Variants in CFL1 observed in about 807,000 individuals in gnomAD.
CFL1 encodes the protein cofilin-1.
In CFL1, 2 loss-of-function variants were observed where a neutral mutation model predicts 16.3. The observed-to-expected ratio is 0.12, with a 90% CI of 0.05 to 0.39. The LOEUF is 0.39. Among genes scored for constraint, CFL1 ranks in the 10% least tolerant of loss-of-function variants. The probability of loss-of-function intolerance (pLI) is 0.99; values close to 1 mark genes in which losing one functional copy is unlikely to be tolerated. For synonymous variants in CFL1, 111 were observed against 84.4 expected (o/e 1.31, Z -1.73); for missense variants, 75 against 212.2 (o/e 0.35, Z 4.02).
intron 1 of CFL1, chr11:65,857,645 G>T (rs965695857): frequency 4.4e-6 from 1 of 224,978 alleles, no homozygotes; most frequent in African/African-American, 2.4e-5. Context: ...GCTGCCGAGG[G>T]AGGGTGACGC....
chr11:65,855,245 C>T lies in CFL1; in HGVS notation c.*91G>A. 1 of 1,059,464 alleles carries T rather than the reference C, an allele frequency of 9.4e-7. No individual in the cohort carries two copies. Among genetic ancestry groups the T allele is most frequent in the Non-Finnish European group, 1.4e-6 (1 of 691,732 alleles). The allele number at this position is 1,059,464 out of a possible 1,614,324, so 65.6% of individuals were successfully genotyped here. A position where few individuals can be genotyped will look rare whatever the true frequency, so the allele number is the denominator to read the frequency against. On this transcript the variant is annotated 3_prime_UTR_variant, in exon 4 of 4. Coordinates refer to ENST00000308162, the MANE Select transcript of CFL1 (RefSeq NM_005507.3). Reference sequence around the variant, plus strand: ...CCTCCCCCTGCTGGGATCCCCCCAGCCCCTCCGGTCTGGCAGGAAGGGGGC... The same window carrying T: ...CCTCCCCCTGCTGGGATCCCCCCAGTCCCTCCGGTCTGGCAGGAAGGGGGC...
chr11:65,857,426 G>A (rs1390208622), intron 1 of CFL1: 3 of 437,800 alleles, frequency 6.9e-6, no homozygotes, highest in Admixed American at 4.8e-5. Flanking sequence ...CTCGCCCGAT[G>A]CACGGGTGAG....
chr11:65,858,002 G>A (rs1266480177), intron 1 of CFL1, 95 bp downstream of exon 1: 3 of 1,340,536 alleles, frequency 2.2e-6, no homozygotes, highest in Non-Finnish European at 2.0e-6. Flanking sequence ...CGGGGCGCTG[G>A]GGGAGGGGGT....
Position 65,855,690 on chromosome 11 carries a change from C to G in CFL1, c.352G>C (p.Ala118Pro). The change falls in exon 3 of 4, where the codon GCC becomes CCC. Residue 118 changes from alanine to proline, a missense_variant. Physicochemically the swap from Ala to Pro is conservative, Grantham distance 27. Coordinates refer to ENST00000308162, the MANE Select transcript of CFL1 (RefSeq NM_005507.3). ...TTCTTGATGGCGTCCTTGGAGCTGG[C>G]ATAAATCATTTTGCTCTTAAGGGGC... ...SAPLKSKMIY[A>P]SSKDAIKKKL... 6.4e-7 allele frequency: 1 copy of G among 1,572,192 alleles called. No homozygotes were observed. The highest frequency in any genetic ancestry group is 8.6e-7 in the Non-Finnish European group (1 of 1,160,440).
chr11:65,856,452 C>T (rs1170247067), intron 1 of CFL1: 1 of 564,924 alleles, frequency 1.8e-6, no homozygotes, highest in Non-Finnish European at 3.2e-6. Flanking sequence ...GTTCAACAAC[C>T]CCTTCCCTCA....
intron 1 of CFL1, chr11:65,857,496 G>T (rs1041087784): frequency 7.9e-6 from 3 of 378,116 alleles, no homozygotes; most frequent in African/African-American, 4.3e-5. Flanking sequence ...CCCCCTCCAA[G>T]CCTTGCGGTG....
chr11:65,858,077 C>T lies in CFL1; in HGVS notation c.3+20G>A. 1.3e-6 allele frequency: 2 copies of T among 1,533,476 alleles called. No individual in the cohort carries two copies. The highest frequency in any genetic ancestry group is 1.4e-5 in the African/African-American group (1 of 70,816). 95.0% of individuals were successfully genotyped at this position (1,533,476 alleles called of 1,614,324 possible). On this transcript the variant is annotated intron_variant, in intron 1 of 3. Coordinates refer to ENST00000308162, the MANE Select transcript of CFL1 (RefSeq NM_005507.3). ...CCGACCCGCAGCCGCCTCCCTCAGG[C>T]GCCGTGGCCTGCCGCTCACCATGTT...
chr11:65,857,848 TGTCCGCGCGGGCGCACCAGCGGGTGG>T, intron 1 of CFL1: 1 of 289,386 alleles, frequency 3.5e-6, no homozygotes, highest in Admixed American at 5.2e-5. Context: ...CCGCGGCCGG[TGTCCGCGCGGGCGCACCAGCGGGTGG>T]GGGAGGGGAG....
rs140831932 is a variant in CFL1, at chr11:65,856,198, G to A, written c.48C>T (p.Asn16=). Residue 16 remains asparagine (N), a synonymous_variant, in exon 2 of 4, where the codon AAC becomes AAT. Transcript: ENST00000308162. ...AVSDGVIKVF[N]DMKVRKSSTP... is the part of the protein sequence containing the mutation. ...TTGAAGACTTACGCACCTTCATGTC[G>A]TTGAACACCTTGATGACACCATCAG... is the stretch of plus-strand genomic sequence containing the variant. 14 of 1,614,134 alleles carry A rather than the reference G, an allele frequency of 8.7e-6. 1 individual carries two copies. The African/African-American group carries it at 1.5e-4, about 17-fold the overall frequency.
intron 1 of CFL1, 46 bp downstream of exon 1, chr11:65,858,051 A>ACCGACCCGCAGCCGC (rs1354621377): frequency 2.0e-6 from 3 of 1,521,020 alleles, no homozygotes; most frequent in Non-Finnish European, 2.6e-6. Context: ...CGCGCAGGCG[A>ACCGACCCGCAGCCGC]CCGACCCGCA....
chr11:65,857,179 C>T (rs1242253311), intron 1 of CFL1: 1 of 211,930 alleles, frequency 4.7e-6, no homozygotes, highest in Non-Finnish European at 1.0e-5. Context: ...GTGTATCAGA[C>T]CCATCTCCTG....
chr11:65,856,377 A>C, intron 1 of CFL1, 135 bp from the exon 2 acceptor site: 1 of 802,458 alleles, frequency 1.2e-6, no homozygotes, highest in South Asian at 1.8e-5. Flanking sequence ...TTCCCACCCA[A>C]GTCACTGTCA....
At position 65,855,182 on chromosome 11, in the gene CFL1, G is replaced by A. The variant is rs923171882; in HGVS notation, c.*154C>T. The A allele has an allele frequency of 1.6e-6, 1 of 618,382 alleles. No homozygotes were observed. The highest frequency in any genetic ancestry group is 2.9e-6 in the Non-Finnish European group (1 of 345,136). 38.3% of individuals were successfully genotyped at this position (618,382 alleles called of 1,614,324 possible). On this transcript the variant is annotated 3_prime_UTR_variant, in exon 4 of 4. Coordinates refer to ENST00000308162, the MANE Select transcript of CFL1 (RefSeq NM_005507.3). ...TGGAGGGAGAAGGAAAATCCAGGGG[G>A]TGGGGGGTCTGTTTGGCAACTGGGG...
In CFL1 at chr11:65,855,556, G is replaced by A. The variant is rs747556593; in HGVS notation, c.388+98C>T. 139 of 1,551,480 alleles carry A rather than the reference G, an allele frequency of 9.0e-5. No homozygotes were observed. In the Middle Eastern group the frequency reaches 1.5e-3, roughly 17 times the overall value. On this transcript the variant is annotated intron_variant, in intron 3 of 3. Transcript: ENST00000308162. ...AGCAGATGGAAGGAACAAGCAGGCA[G>A]CGAAGACAAGGGGGCAGACCCCCTC...
Position 65,855,037 on chromosome 11 carries a change from T to A in CFL1, c.*299A>T, listed in dbSNP as rs1362450813. On this transcript the variant is annotated 3_prime_UTR_variant, in exon 4 of 4. Coordinates refer to ENST00000308162, the MANE Select transcript of CFL1 (RefSeq NM_005507.3). Reference sequence around the variant, plus strand: ...GAGGACCAGGTGGGGAATGGGGATGTTGTTAAAAAAAATACAGGCTCCCCC... The same window carrying A: ...GAGGACCAGGTGGGGAATGGGGATGATGTTAAAAAAAATACAGGCTCCCCC... 1 of 364,442 alleles carries A rather than the reference T, an allele frequency of 2.7e-6. No homozygotes were observed. Among genetic ancestry groups the A allele is most frequent in the African/African-American group, 2.1e-5 (1 of 47,898 alleles). The allele number at this position is 364,442 out of a possible 1,614,324, so 22.6% of individuals were successfully genotyped here. A position where few individuals can be genotyped will look rare whatever the true frequency, so the allele number is the denominator to read the frequency against.
rs1859361611 is a variant in CFL1, at chr11:65,855,174, T to C, written c.*162A>G. On this transcript the variant is annotated 3_prime_UTR_variant, in exon 4 of 4. Coordinates refer to ENST00000308162, the MANE Select transcript of CFL1 (RefSeq NM_005507.3). ...TCAAGGGATGGAGGGAGAAGGAAAATCCAGGGGGTGGGGGGTCTGTTTGGC... is the reference window on the plus strand; with the variant it reads ...TCAAGGGATGGAGGGAGAAGGAAAACCCAGGGGGTGGGGGGTCTGTTTGGC... 3.3e-6 allele frequency: 2 copies of C among 603,986 alleles called. No individual in the cohort carries two copies. The highest frequency in any genetic ancestry group is 1.9e-5 in the South Asian group (1 of 51,340). 37.4% of individuals were successfully genotyped at this position (603,986 alleles called of 1,614,324 possible).
Position 65,856,542 on chromosome 11 carries a change from GCTA to G in CFL1, c.4-303_4-301del, listed in dbSNP as rs1317392627. The G allele has an allele frequency of 4.4e-5, 16 of 360,190 alleles. No homozygotes were observed. The Admixed American group carries it at 7.1e-4, about 16-fold the overall frequency. 22.3% of individuals were successfully genotyped at this position (360,190 alleles called of 1,614,324 possible). A position where few individuals can be genotyped will look rare whatever the true frequency, so the allele number is the denominator to read the frequency against. On this transcript the variant is annotated intron_variant, in intron 1 of 3. Transcript: ENST00000308162. ...GAACCCAGAATTAAAAGATCCACCG[GCTA>G]CTGACTCATTTGCTACTCACAGTAC...
chr11:65,855,376 C>G lies in CFL1; in HGVS notation c.461G>C (p.Gly154Ala), dbSNP rs1450634578. The change falls in exon 4 of 4, where the codon GGG (glycine) becomes GCG (alanine). Residue 154 changes from glycine to alanine, a missense_variant. Gly to Ala is a moderately conservative substitution (Grantham distance 60, BLOSUM62 0). Transcript: ENST00000308162. ...KDRCTLAEKL[G>A]GSAVISLEGK... Reference sequence around the variant, plus strand: ...CTCCAGGGAGATGACGGCACTGCCCCCCAGCTTCTCTGCCAGGGTGCAGCG... The same window carrying G: ...CTCCAGGGAGATGACGGCACTGCCCGCCAGCTTCTCTGCCAGGGTGCAGCG... 7 of 1,612,568 alleles carry G rather than the reference C, an allele frequency of 4.3e-6. No homozygotes were observed. The highest frequency in any genetic ancestry group is 5.9e-6 in the Non-Finnish European group (7 of 1,179,848).
chr11:65,858,168 G>C lies in CFL1; in HGVS notation c.-69C>G, dbSNP rs1010583014. The C allele has an allele frequency of 1.9e-5, 28 of 1,492,246 alleles. No individual in the cohort carries two copies. Among genetic ancestry groups the C allele is most frequent in the Non-Finnish European group, 2.5e-5 (28 of 1,115,374 alleles). 92.4% of individuals were successfully genotyped at this position (1,492,246 alleles called of 1,614,324 possible). ...ACGAGAGCGCTGCAGCCGCTGCCGG[G>C]ACCCGACTGAACGCGGCCTCTCCCG... On this transcript the variant is annotated 5_prime_UTR_variant, in exon 1 of 4. Coordinates refer to ENST00000308162, the MANE Select transcript of CFL1 (RefSeq NM_005507.3).
Sources: gnomAD v4.1 joint callset for allele counts on GRCh38, gnomAD v4.1.1 for gene constraint, MANE v1.5 for transcripts, NCBI Gene and HGNC (gene_info 2026-07-23, HGNC 2026-07-21) for gene names.